DNAJC10: variants seen among roughly 807,000 people sequenced by gnomAD.
The protein encoded by DNAJC10 is endoplasmic reticulum disulfide reductase DNAJC10.
In DNAJC10, 101 loss-of-function variants were observed where a neutral mutation model predicts 115.0. The ratio of observed to expected loss-of-function variants is 0.88; its 90% CI spans 0.75 to 1.04. The LOEUF is 1.04. Among genes scored for constraint, DNAJC10 ranks in the 50% least tolerant of loss-of-function variants. The pLI, the probability that DNAJC10 is intolerant of heterozygous loss-of-function variation, is 0.00. For synonymous variants in DNAJC10, 307 were observed against 301.5 expected (o/e 1.02, Z -0.19); for missense variants, 981 against 928.8 (o/e 1.06, Z -0.73).
At position 182,741,346 on chromosome 2, in the gene DNAJC10, A is replaced by G. The variant is rs1693732574; in HGVS notation, c.1181A>G (p.Asp394Gly). ...AAACTAAAAACTCTACTTAAAAATG[A>G]TCATATTCAAGTAAGAAAAATGTAT... is the stretch of plus-strand genomic sequence containing the variant. ...LKKLKTLLKN[D>G]HIQVGRFDCS... The change falls in exon 13 of 24, where the codon GAT becomes GGT. Residue 394 changes from aspartate (D) to glycine (G), a missense_variant. Transcript: ENST00000264065. 6.5e-7 allele frequency: 1 copy of G among 1,544,054 alleles called. No homozygotes were observed. The highest frequency in any genetic ancestry group is 8.8e-7 in the Non-Finnish European group (1 of 1,130,536).
Position 182,736,273 on chromosome 2 carries a change from A to T in DNAJC10, c.874A>T (p.Met292Leu). The T allele has an allele frequency of 1.3e-6, 2 of 1,578,868 alleles. No individual in the cohort carries two copies. Among genetic ancestry groups the T allele is most frequent in the South Asian group, 2.4e-5 (2 of 83,820 alleles). The part of the protein sequence containing the change: ...MLDGLVNVGW[M>L]DCATQDNLCK... ...GGATGGTCTTGTTAATGTAGGATGG[A>T]TGGACTGTGCCACCCAGGATAACCT... is the stretch of plus-strand genomic sequence containing the variant. Residue 292 changes from methionine to leucine, a missense_variant, in exon 11 of 24, where the codon ATG becomes TTG. Physicochemically the swap from Met to Leu is conservative, Grantham distance 15. Coordinates refer to ENST00000264065, the MANE Select transcript of DNAJC10 (RefSeq NM_018981.4).
At position 182,762,764 on chromosome 2, in the gene DNAJC10, A is replaced by T. The variant is rs1474964491; in HGVS notation, c.2228A>T (p.Tyr743Phe). The T allele has an allele frequency of 6.2e-7, 1 of 1,612,576 alleles. No individual in the cohort carries two copies. Among genetic ancestry groups the T allele is most frequent in the African/African-American group, 1.3e-5 (1 of 74,988 alleles). ...TGCCAGAAAGCTGGGATCAGGGCCTATCCAACTGTTAAATTTTATTTCTAC... is the reference window on the plus strand; with the variant it reads ...TGCCAGAAAGCTGGGATCAGGGCCTTTCCAACTGTTAAATTTTATTTCTAC... ...QTCQKAGIRA[Y>F]PTVKFYFYER... Residue 743 changes from tyrosine (Y) to phenylalanine (F), a missense_variant, in exon 22 of 24, where the codon TAT becomes TTT. By Grantham distance (22) the Tyr-to-Phe change is conservative. Coordinates refer to ENST00000264065, the MANE Select transcript of DNAJC10 (RefSeq NM_018981.4).
At chr2:182,775,640 T>C (rs1423014166) in intron 23 of DNAJC10, among the ~76,000 whole-genome samples, 1 of 152,118 alleles carries the variant, frequency 6.6e-6, no homozygotes, top group Non-Finnish European at 1.5e-5. Flanking sequence ...TAACAAAAAA[T>C]AGTGACTGTG....
At chr2:182,740,067 T>C in intron 11 of DNAJC10, 1 of 1,025,502 alleles carries the variant, frequency 9.8e-7, no homozygotes, top group Admixed American at 5.4e-5. Context: ...CAACATCTTA[T>C]AATGGAATTT....
intron 21 of DNAJC10, among the ~76,000 whole-genome samples, chr2:182,760,142 T>C (rs114638808): frequency 2.0e-5 from 3 of 152,288 alleles, no homozygotes; most frequent in Non-Finnish European, 4.4e-5. Context: ...CCAGGTTCTC[T>C]GAACATGTGT....
At chr2:182,743,518 AT>A in intron 13 of DNAJC10, 79 bp from the exon 14 acceptor site, 1 of 1,027,984 alleles carries the variant, frequency 9.7e-7, no homozygotes, top group South Asian at 1.3e-5. Flanking sequence ...GGGCAGTGCC[AT>A]TTTTGGATTA....
intron 13 of DNAJC10, among the ~76,000 whole-genome samples, chr2:182,742,640 T>C (rs571122027): frequency 8.6e-4 from 131 of 152,292 alleles, no homozygotes; most frequent in African/African-American, 3.0e-3. Context: ...GGTACTATCG[T>C]TCTTTATAAT....
At chr2:182,755,159 C>G (rs955002654) in intron 17 of DNAJC10, 55 bp downstream of exon 17, 1 of 1,036,678 alleles carries the variant, frequency 9.6e-7, no homozygotes, top group Non-Finnish European at 1.5e-6. Flanking sequence ...TATGTAAACC[C>G]TGTATGAATG....
At chr2:182,718,432 G>A (rs1693056799) in intron 3 of DNAJC10, 142 bp downstream of exon 3, 2 of 731,628 alleles carry the variant, frequency 2.7e-6, no homozygotes, top group Non-Finnish European at 4.2e-6. Flanking sequence ...AGAAACAAAA[G>A]CACCAAAATG....
Position 182,775,319 on chromosome 2 carries a change from A to C in DNAJC10, c.2269A>C (p.Asn757His). The part of the protein sequence containing the change: ...KFYFYERAKR[N>H]FQEEQINTRD... ...TAACAAGTGTTTTTAATTTTAGAGAAATTTTCAAGAAGAGCAGATAAATAC... is the reference window on the plus strand; with the variant it reads ...TAACAAGTGTTTTTAATTTTAGAGACATTTTCAAGAAGAGCAGATAAATAC... The change falls in exon 23 of 24, where the codon AAT becomes CAT. Residue 757 changes from asparagine to histidine, a missense_variant. Physicochemically the swap from Asn to His is moderately conservative, Grantham distance 68. Coordinates refer to ENST00000264065, the MANE Select transcript of DNAJC10 (RefSeq NM_018981.4). The C allele has an allele frequency of 6.3e-7, 1 of 1,597,032 alleles. No homozygotes were observed. The highest frequency in any genetic ancestry group is 1.3e-5 in the African/African-American group (1 of 74,428).
At chr2:182,721,945 A>T in intron 4 of DNAJC10, 80 bp from the exon 5 acceptor site, 1 of 792,090 alleles carries the variant, frequency 1.3e-6, no homozygotes, top group Non-Finnish European at 2.0e-6. Context: ...TTTGATGATT[A>T]AAACGAGTAA....
At chr2:182,767,247 T>TG (rs1454256203) in intron 22 of DNAJC10, among the ~76,000 whole-genome samples, 1 of 152,112 alleles carries the variant, frequency 6.6e-6, no homozygotes, top group Non-Finnish European at 1.5e-5. Flanking sequence ...AAAATGACCT[T>TG]GCTCATTTCC....
Position 182,728,557 on chromosome 2 carries a change from G to A in DNAJC10, c.419-19G>A. 1 of 1,561,344 alleles carries A rather than the reference G, an allele frequency of 6.4e-7. No homozygotes were observed. The highest frequency in any genetic ancestry group is 8.8e-7 in the Non-Finnish European group (1 of 1,135,932). On this transcript the variant is annotated intron_variant, in intron 5 of 23. Transcript: ENST00000264065. ...TTTAATAAATAATTCTAAGTTGTTT[G>A]CATTTTATGTATTTTTAGATGCTGC...
chr2:182,720,125 A>G lies in DNAJC10; in HGVS notation c.323A>G (p.Gln108Arg). Residue 108 changes from glutamine to arginine, a missense_variant, in exon 4 of 24, where the codon CAA becomes CGA. Transcript: ENST00000264065. Reference protein sequence around the residue: ...KYGEKGLEDNQGGQYESWNYY... With the variant: ...KYGEKGLEDNRGGQYESWNYY... ...GGAGAAAAGGGACTTGAGGATAATC[A>G]AGGTGGCCAGTATGAAAGCTGGAAC... 1 of 1,612,028 alleles carries G rather than the reference A, an allele frequency of 6.2e-7. No homozygotes were observed. The highest frequency in any genetic ancestry group is 1.1e-5 in the South Asian group (1 of 90,706).
rs1487054055 is a variant in DNAJC10, at chr2:182,788,956, A to T, written c.*11824A>T. ...CAAAATTTATTAATCATTTTAAAGTAGCATACAGTTCAGTAGTGTTAAGTA... is the reference window on the plus strand; with the variant it reads ...CAAAATTTATTAATCATTTTAAAGTTGCATACAGTTCAGTAGTGTTAAGTA... On this transcript the variant is annotated 3_prime_UTR_variant, in exon 24 of 24. Coordinates refer to ENST00000264065, the MANE Select transcript of DNAJC10 (RefSeq NM_018981.4). 2 of 386,386 alleles carry T rather than the reference A, an allele frequency of 5.2e-6. No homozygotes were observed. Among genetic ancestry groups the T allele is most frequent in the African/African-American group, 4.2e-5 (2 of 47,278 alleles). The allele number at this position is 386,386 out of a possible 1,614,324, so 23.9% of individuals were successfully genotyped here.
At chr2:182,744,956 A>T (rs1015128712) in intron 14 of DNAJC10, among the ~76,000 whole-genome samples, 1 of 152,150 alleles carries the variant, frequency 6.6e-6, no homozygotes, top group Admixed American at 6.5e-5. Context: ...GCTTTGTTTC[A>T]GGCCCATCAT....
At chr2:182,729,094 T>A (rs1215642211) in intron 7 of DNAJC10, 100 bp downstream of exon 7, 8 of 1,279,452 alleles carry the variant, frequency 6.3e-6, no homozygotes, top group Non-Finnish European at 8.8e-6. Flanking sequence ...ACATTTTAAG[T>A]CTTGTTTTAC....
At position 182,780,797 on chromosome 2, in the gene DNAJC10, G is replaced by A. The variant is rs960149709; in HGVS notation, c.*3665G>A. 3.9e-5 allele frequency: 6 copies of A among 152,076 alleles called. No individual in the cohort carries two copies. The highest frequency in any genetic ancestry group is 1.9e-4 in the East Asian group (1 of 5,178). 9.4% of individuals were successfully genotyped at this position (152,076 alleles called of 1,614,324 possible). On this transcript the variant is annotated 3_prime_UTR_variant, in exon 24 of 24. Coordinates refer to ENST00000264065, the MANE Select transcript of DNAJC10 (RefSeq NM_018981.4). ...CCAAAAATACAGCCAAAGTCTCAAC[G>A]CCAAACTGGTCTACATCAGTATGGA...
intron 11 of DNAJC10, among the ~76,000 whole-genome samples, chr2:182,739,244 A>G (rs1475814067): frequency 1.4e-5 from 2 of 146,982 alleles, no homozygotes; most frequent in Non-Finnish European, 3.0e-5. Context: ...TTATATATAT[A>G]TATATCTCAT....
Sources: allele counts gnomAD v4.1 joint callset (sites outside exome capture counted in the v4.1 genomes callset), GRCh38; gene constraint gnomAD v4.1.1; transcripts MANE v1.5; gene names NCBI Gene and HGNC (gene_info 2026-07-23, HGNC 2026-07-21).